The following TCF3 variants were observed in gnomAD, a reference collection of about 807,000 sequenced individuals.
TCF3 encodes the protein transcription factor 3, also known as transcription factor E2-alpha.
Under a neutral mutation model 72.3 loss-of-function variants are expected in TCF3, and 54 were observed. The ratio of observed to expected loss-of-function variants is 0.75; its 90% confidence interval spans 0.60 to 0.94. The LOEUF is 0.94. Ranked by LOEUF, TCF3 falls within the 40% of genes least tolerant of loss-of-function variation. The pLI, the probability that TCF3 is intolerant of heterozygous loss-of-function variation, is 0.00. For missense variants in TCF3, 1,078 were observed against 934.4 expected (o/e 1.15, Z -2.00); for synonymous variants, 525 against 412.6 (o/e 1.27, Z -3.30).
At chr19:1,637,021 C>T (rs2064512186) in intron 3 of TCF3, among the ~76,000 whole-genome samples, 1 of 152,156 alleles carries the variant, frequency 6.6e-6, no homozygotes, top group Non-Finnish European at 1.5e-5. Flanking sequence ...TGAGGCTGTG[C>T]GGGCAACACA....
Position 1,632,078 on chromosome 19 carries a change from G to A in TCF3, c.258C>T (p.Ser86=), listed in dbSNP as rs1236443365. 4 of 1,613,508 alleles carry A rather than the reference G, an allele frequency of 2.5e-6. No homozygotes were observed. Among genetic ancestry groups the A allele is most frequent in the Admixed American group, 1.7e-5 (1 of 59,960 alleles). ...CCAGGAATGTGGATGAAGAGAGGCT[G>A]CTGTGCGACTCAGTGAAGTGGGTGC... The part of the protein sequence containing the change: ...SEGTHFTESH[S]SLSSSTFLGP... Residue 86 remains serine (S), a synonymous_variant, in exon 5 of 19, where the codon AGC becomes AGT. Transcript: ENST00000262965.
At chr19:1,642,688 G>T (rs2065510277) in intron 3 of TCF3, among the ~76,000 whole-genome samples, 1 of 152,188 alleles carries the variant, frequency 6.6e-6, no homozygotes, top group Admixed American at 6.5e-5. Flanking sequence ...GGCCAGGCTG[G>T]TCTCGAACAC....
At chr19:1,631,195 A>ACTGAGG (rs1174048249) in intron 5 of TCF3, among the ~76,000 whole-genome samples, 1 of 151,684 alleles carries the variant, frequency 6.6e-6, no homozygotes, top group African/African-American at 2.4e-5. Flanking sequence ...CAGTGGGGAA[A>ACTGAGG]CTGAGGCTCA....
chr19:1,642,209 C>A (rs1372403252), intron 3 of TCF3, among the ~76,000 whole-genome samples: 9 of 151,880 alleles, frequency 5.9e-5, no homozygotes, highest in African/African-American at 1.9e-4. Flanking sequence ...CAGACACGCA[C>A]ACACGCGCAG....
intron 3 of TCF3, among the ~76,000 whole-genome samples, chr19:1,638,711 C>T (rs1462249127): frequency 2.6e-5 from 4 of 152,206 alleles, no homozygotes; most frequent in Non-Finnish European, 4.4e-5. Context: ...GAATACTAAC[C>T]GCTATTCAAT....
intron 3 of TCF3, among the ~76,000 whole-genome samples, chr19:1,644,632 G>C (rs939654810): frequency 6.6e-6 from 1 of 152,220 alleles, no homozygotes; most frequent in East Asian, 1.9e-4. Flanking sequence ...ACATTGGCAG[G>C]TTCCTGCTGG....
intron 16 of TCF3, among the ~76,000 whole-genome samples, chr19:1,616,763 G>A (rs1221632026): frequency 6.6e-6 from 1 of 152,102 alleles, no homozygotes; most frequent in African/African-American, 2.4e-5. Context: ...GTGAGACCCT[G>A]TCTCAAAACA....
intron 1 of TCF3, 158 bp from the exon 2 acceptor site, chr19:1,650,445 G>A (rs556578764): frequency 1.7e-5 from 10 of 587,204 alleles, no homozygotes; most frequent in Admixed American, 3.1e-5. Context: ...GGGAGCCCTG[G>A]GAGCAGGCGC....
intron 3 of TCF3, among the ~76,000 whole-genome samples, chr19:1,637,547 T>G (rs1023144158): frequency 6.6e-6 from 1 of 151,888 alleles, no homozygotes; most frequent in African/African-American, 2.4e-5. Flanking sequence ...CTTGCTTCCA[T>G]GTCTATGGGC....
chr19:1,611,301 T>C lies in TCF3; in HGVS notation c.*406A>G. 2.7e-6 allele frequency: 1 copy of C among 366,190 alleles called. No individual in the cohort carries two copies. Among genetic ancestry groups the C allele is most frequent in the Non-Finnish European group, 4.9e-6 (1 of 205,978 alleles). 22.7% of individuals were successfully genotyped at this position (366,190 alleles called of 1,614,324 possible). The stretch of plus-strand genomic sequence containing the variant: ...GATATGTTTCCATTTCTCCGCTTTT[T>C]ATAGTTAAGGCATTTTTTTCTTCTC... On this transcript the variant is annotated 3_prime_UTR_variant, in exon 19 of 19. Transcript: ENST00000262965.
At chr19:1,650,579 GC>G (rs1481292580) in intron 1 of TCF3, 15 of 318,224 alleles carry the variant, frequency 4.7e-5, no homozygotes, top group African/African-American at 3.2e-4. Flanking sequence ...GAACACCAGG[GC>G]ATCAAGTTGC....
intron 11 of TCF3, among the ~76,000 whole-genome samples, chr19:1,621,557 G>GT (rs1249272547): frequency 6.6e-6 from 1 of 151,996 alleles, no homozygotes; most frequent in East Asian, 1.9e-4. Flanking sequence ...CCCTGGGTGG[G>GT]TGAGTCCCTC....
chr19:1,638,136 G>A (rs967392809), intron 3 of TCF3, among the ~76,000 whole-genome samples: 1 of 152,168 alleles, frequency 6.6e-6, no homozygotes, highest in African/African-American at 2.4e-5. Flanking sequence ...GCCGTAACAA[G>A]ACAGGCACAC....
At chr19:1,619,047 C>A in intron 16 of TCF3, 64 bp downstream of exon 16, 1 of 1,596,322 alleles carries the variant, frequency 6.3e-7, no homozygotes, top group Non-Finnish European at 8.5e-7. Context: ...ACCCCCACCA[C>A]TAGAGTGCCT....
rs1000038362 is a variant in TCF3 at position 1,610,153 on chromosome 19, C to T, written c.*1554G>A. 1 of 232,426 alleles carries T rather than the reference C, an allele frequency of 4.3e-6. No individual in the cohort carries two copies. The highest frequency in any genetic ancestry group is 2.2e-5 in the African/African-American group (1 of 45,258). The allele number at this position is 232,426 out of a possible 1,614,324, so 14.4% of individuals were successfully genotyped here. ...CCAGAAAAGGAGACCTGGAGAGAGGCCTGGGTGCTGGGACATGGGACACAG... is the reference window on the plus strand; with the variant it reads ...CCAGAAAAGGAGACCTGGAGAGAGGTCTGGGTGCTGGGACATGGGACACAG... On this transcript the variant is annotated 3_prime_UTR_variant, in exon 19 of 19. Transcript: ENST00000262965.
rs1047013409 is a variant in TCF3, at chr19:1,620,982, G to C, written c.1079C>G (p.Pro360Arg). 5 of 1,514,188 alleles carry C rather than the reference G, an allele frequency of 3.3e-6. No homozygotes were observed. The highest frequency in any genetic ancestry group is 1.4e-5 in the African/African-American group (1 of 70,672). The allele number at this position is 1,514,188 out of a possible 1,614,324, so 93.8% of individuals were successfully genotyped here. Residue 360 changes from proline to arginine, a missense_variant, in exon 13 of 19, where the codon CCC (proline) becomes CGC (arginine). Physicochemically the swap from Pro to Arg is moderately radical, Grantham distance 103 (BLOSUM62 -2). Coordinates refer to ENST00000262965, the MANE Select transcript of TCF3 (RefSeq NM_003200.5). ...SSSPSTPVGS[P>R]QGLAGTSQWP... ...CCCTCACAGACCTGCCAGGCCCTGGGGGGAGCCCACGGGGGTAGAAGGGCT... is the reference window on the plus strand; with the variant it reads ...CCCTCACAGACCTGCCAGGCCCTGGCGGGAGCCCACGGGGGTAGAAGGGCT...
chr19:1,626,300 A>T (rs1223518504), intron 6 of TCF3, among the ~76,000 whole-genome samples: 2 of 152,174 alleles, frequency 1.3e-5, no homozygotes, highest in Non-Finnish European at 2.9e-5. Flanking sequence ...AGAATACAAA[A>T]TTAGCCGGGT....
In TCF3 at chr19:1,621,862, C is replaced by G. The variant is rs370910718; in HGVS notation, c.931G>C (p.Val311Leu). The G allele has an allele frequency of 1.6e-5, 26 of 1,593,358 alleles. No individual in the cohort carries two copies. Among genetic ancestry groups the G allele is most frequent in the Non-Finnish European group, 2.0e-5 (24 of 1,171,594 alleles). ...CCCAGGAGGCTGTCGGCCCCGCTGA[C>G]AGGCGGCGTGTGGCTGGAGACGCCG... ...YGGVSSHTPP[V>L]SGADSLLGSR... The change falls in exon 11 of 19, where the codon GTC becomes CTC. Residue 311 changes from valine to leucine, a missense_variant. By Grantham distance (32) the Val-to-Leu change is conservative. Coordinates refer to ENST00000262965, the MANE Select transcript of TCF3 (RefSeq NM_003200.5).
chr19:1,638,436 C>A (rs1490295997), intron 3 of TCF3, among the ~76,000 whole-genome samples: 2 of 152,320 alleles, frequency 1.3e-5, no homozygotes, highest in African/African-American at 4.8e-5. Context: ...GCGCCCACCA[C>A]CGCGCCCGGC....
Sources: gnomAD v4.1 joint callset for allele counts (sites outside exome capture counted in the v4.1 genomes callset) on GRCh38, gnomAD v4.1.1 for gene constraint, MANE v1.5 for transcripts, NCBI Gene and HGNC (gene_info 2026-07-23, HGNC 2026-07-21) for gene names.